Variants in ZIC5 observed in about 807,000 individuals in gnomAD.
ZIC5 encodes zinc finger protein ZIC 5.
ZIC5 carries 20 observed loss-of-function variants against 28.5 expected under a neutral mutation model. That is an observed-to-expected ratio of 0.70 (90% CI 0.49 to 1.02). The LOEUF (loss-of-function observed/expected upper bound fraction) is 1.02, where lower values mean the gene tolerates loss of function less well. Among genes scored for constraint, ZIC5 ranks in the 50% least tolerant of loss-of-function variants. ZIC5 has a pLI of 0.00. For synonymous variants in ZIC5, 488 were observed against 410.4 expected (o/e 1.19, Z -2.29); for missense variants, 951 against 899.7 (o/e 1.06, Z -0.73).
intron 1 of ZIC5, among the ~76,000 whole-genome samples, chr13:99,969,104 G>A (rs1049018995): frequency 6.6e-6 from 1 of 152,238 alleles, no homozygotes; most frequent in African/African-American, 2.4e-5. Context: ...CGCCCGACGC[G>A]CTGGTCCGCT....
rs1389338561 is a variant in ZIC5, at chr13:99,970,419, C to CGGT, written c.1184_1185insACC (p.Pro400dup). 1.5e-5 allele frequency: 12 copies of CGGT among 796,546 alleles called. No individual in the cohort carries two copies. Among genetic ancestry groups the CGGT allele is most frequent in the Non-Finnish European group, 1.6e-5 (11 of 667,876 alleles). The allele number at this position is 796,546 out of a possible 1,614,324, so 49.3% of individuals were successfully genotyped here. A position where few individuals can be genotyped will look rare whatever the true frequency, so the allele number is the denominator to read the frequency against. On this transcript the variant is annotated inframe_insertion, in exon 1 of 2. Transcript: ENST00000267294. ...CGCCGCCGGCCGGGGGCGGTGGCGG[C>CGGT]GGCGGCGGCGGCGGCGGCGGCGGCG...
rs769946088 is a variant in ZIC5 at position 99,971,088 on chromosome 13, GT to G, written c.515del (p.Asp172AlafsTer135). 13 of 1,437,542 alleles carry G rather than the reference GT, an allele frequency of 9.0e-6. No individual in the cohort carries two copies. The highest frequency in any genetic ancestry group is 1.2e-5 in the Non-Finnish European group (13 of 1,105,794). The allele number at this position is 1,437,542 out of a possible 1,614,324, so 89.0% of individuals were successfully genotyped here. A position where few individuals can be genotyped will look rare whatever the true frequency, so the allele number is the denominator to read the frequency against. On this transcript the variant is annotated frameshift_variant, in exon 1 of 2. Coordinates refer to ENST00000267294, the MANE Select transcript of ZIC5 (RefSeq NM_033132.5). LOFTEE classifies it high-confidence loss of function. ...GGSSGKGHSR[D>X]FVLRRDLSAT... ...CGGAAAGGTCCCTCCGGAGGACGAA[GT>G]CCCTGCTGTGGCCTTTGCCGCTGCT...
chr13:99,970,413 TGGCGGCGGCGGC>T lies in ZIC5; in HGVS notation c.1179_1190del (p.Pro397_Pro400del), dbSNP rs71114653. 4,680 of 1,106,504 alleles carry T rather than the reference TGGCGGCGGCGGC, an allele frequency of 4.2e-3. 174 individuals are homozygous for T. Among genetic ancestry groups the T allele is most frequent in the African/African-American group, 5.0e-3 (266 of 53,444 alleles). 68.5% of individuals were successfully genotyped at this position (1,106,504 alleles called of 1,614,324 possible). A position where few individuals can be genotyped will look rare whatever the true frequency, so the allele number is the denominator to read the frequency against. On this transcript the variant is annotated inframe_deletion, in exon 1 of 2. Transcript: ENST00000267294. ...GCTTGGCGCCGCCGGCCGGGGGCGG[TGGCGGCGGCGGC>T]GGCGGCGGCGGCGGCGGCGGCGGCA...
intron 1 of ZIC5, among the ~76,000 whole-genome samples, 188 bp downstream of exon 1, chr13:99,969,939 A>C (rs1418945203): frequency 2.0e-5 from 3 of 151,766 alleles, no homozygotes; most frequent in Non-Finnish European, 4.4e-5. Context: ...ACTTATTCAT[A>C]GAAAAAAAAA....
chr13:99,970,583 CCGG>C lies in ZIC5; in HGVS notation c.1018_1020del (p.Pro340del), dbSNP rs532287066. The C allele has an allele frequency of 7.5e-5, 74 of 991,618 alleles. No individual in the cohort carries two copies. Among genetic ancestry groups the C allele is most frequent in the Middle Eastern group, 5.1e-4 (1 of 1,974 alleles). 61.4% of individuals were successfully genotyped at this position (991,618 alleles called of 1,614,324 possible). ...TGCTGGTGCGGGTGCTGCGCGGGCG[CCGG>C]CGGCGGCGGCGGCGCCGGGGGCGGC... On this transcript the variant is annotated inframe_deletion, in exon 1 of 2. Coordinates refer to ENST00000267294, the MANE Select transcript of ZIC5 (RefSeq NM_033132.5).
At chr13:99,969,117 A>G (rs1046385536) in intron 1 of ZIC5, among the ~76,000 whole-genome samples, 1 of 152,196 alleles carries the variant, frequency 6.6e-6, no homozygotes, top group African/African-American at 2.4e-5. Flanking sequence ...GGTCCGCTCA[A>G]AGGGGGCACA....
rs2053069747 is a variant in ZIC5 at position 99,963,144 on chromosome 13, A to G, written c.*2233T>C. ...AAGAACCAATAAATCTGTGGCAAAG[A>G]GTTAACCTATGCATGGTAAAATACA... is the stretch of plus-strand genomic sequence containing the variant. On this transcript the variant is annotated 3_prime_UTR_variant, in exon 2 of 2. Transcript: ENST00000267294. 6.6e-6 allele frequency: 1 copy of G among 152,574 alleles called. No individual in the cohort carries two copies. The highest frequency in any genetic ancestry group is 6.5e-5 in the Admixed American group (1 of 15,282). The allele number at this position is 152,574 out of a possible 1,614,324, so 9.5% of individuals were successfully genotyped here.
Position 99,965,433 on chromosome 13 carries a change from C to G in ZIC5, c.1864G>C (p.Glu622Gln). ...HTPSSNGTTS[E>Q]TEDEEIYGNP... ...CCGTAAATTTCCTCATCTTCAGTCT[C>G]AGAGGTGGTTCCGTTGCTGGAAGGG... The change falls in exon 2 of 2, where the codon GAG becomes CAG. Residue 622 changes from glutamate (E) to glutamine (Q), a missense_variant. By Grantham distance (29) the Glu-to-Gln change is conservative. This residue lies in a region of ZIC5 where 108 missense variants were observed against 118.4 expected (regional missense o/e 0.91). Transcript: ENST00000267294. 6.2e-7 allele frequency: 1 copy of G among 1,614,150 alleles called. No homozygotes were observed. Among genetic ancestry groups the G allele is most frequent in the Non-Finnish European group, 8.5e-7 (1 of 1,180,034 alleles).
At chr13:99,969,816 G>C (rs2152155729) in intron 1 of ZIC5, among the ~76,000 whole-genome samples, 1 of 152,322 alleles carries the variant, frequency 6.6e-6, no homozygotes, top group East Asian at 1.9e-4. Flanking sequence ...CTGCTCCGAG[G>C]TGGCGGCGGC....
Position 99,971,012 on chromosome 13 carries a change from G to A in ZIC5, c.592C>T (p.Arg198Trp), listed in dbSNP as rs2152156909. ...MHGAPLGGEQ[R>W]SGTGSPQHPA... The stretch of plus-strand genomic sequence containing the variant: ...TGCTGGGGGGAGCCGGTGCCGGACC[G>A]CTGCTCCCCTCCGAGCGGGGCCCCG... The change falls in exon 1 of 2, where the codon CGG (arginine) becomes TGG (tryptophan). Residue 198 changes from arginine to tryptophan, a missense_variant. Coordinates refer to ENST00000267294, the MANE Select transcript of ZIC5 (RefSeq NM_033132.5). 7.1e-7 allele frequency: 1 copy of A among 1,413,564 alleles called. No homozygotes were observed. Among genetic ancestry groups the A allele is most frequent in the Non-Finnish European group, 9.1e-7 (1 of 1,096,856 alleles). The allele number at this position is 1,413,564 out of a possible 1,614,324, so 87.6% of individuals were successfully genotyped here.
Position 99,970,887 on chromosome 13 carries a change from C to T in ZIC5, c.717G>A (p.Leu239=), listed in dbSNP as rs535792876. ...GSGGPALFPA[L]HDTPGAPGGH... ...CGCCTGGGGCCCCCGGCGTGTCGTG[C>T]AGCGCGGGGAAGAGCGCCGGGCCGC... Residue 239 remains leucine, a synonymous_variant, in exon 1 of 2, where the codon CTG becomes CTA. Transcript: ENST00000267294. The T allele has an allele frequency of 3.1e-6, 4 of 1,310,798 alleles. No homozygotes were observed. The highest frequency in any genetic ancestry group is 3.1e-5 in the African/African-American group (2 of 63,940). 81.2% of individuals were successfully genotyped at this position (1,310,798 alleles called of 1,614,324 possible).
Position 99,971,615 on chromosome 13 carries a change from A to C in ZIC5, c.-12T>G, listed in dbSNP as rs762508133. 24 of 1,559,410 alleles carry C rather than the reference A, an allele frequency of 1.5e-5. No homozygotes were observed. In the African/African-American group the frequency reaches 2.9e-4, roughly 19 times the overall value. On this transcript the variant is annotated 5_prime_UTR_variant, in exon 1 of 2. It adds an upstream start codon to the 5' untranslated region. Coordinates refer to ENST00000267294, the MANE Select transcript of ZIC5 (RefSeq NM_033132.5). ...AAAGGGGGCTCCATCAGAACTACAC[A>C]ATCAGGCCCATAGACCCTCACTGGG...
intron 1 of ZIC5, among the ~76,000 whole-genome samples, chr13:99,968,101 T>C (rs1054686009): frequency 6.6e-6 from 1 of 152,146 alleles, no homozygotes; most frequent in African/African-American, 2.4e-5. Context: ...CCTTCGGAAG[T>C]GGCCCGGGGA....
In ZIC5 at chr13:99,971,629, A is replaced by T; in HGVS notation, c.-26T>A. 1 of 1,560,530 alleles carries T rather than the reference A, an allele frequency of 6.4e-7. No individual in the cohort carries two copies. Among genetic ancestry groups the T allele is most frequent in the Non-Finnish European group, 8.7e-7 (1 of 1,150,994 alleles). ...CAGAACTACACAATCAGGCCCATAGACCCTCACTGGGGGGACTTTATTCCC... is the reference window on the plus strand; with the variant it reads ...CAGAACTACACAATCAGGCCCATAGTCCCTCACTGGGGGGACTTTATTCCC... On this transcript the variant is annotated 5_prime_UTR_variant, in exon 1 of 2. Transcript: ENST00000267294.
At chr13:99,969,380 G>A in intron 1 of ZIC5, among the ~76,000 whole-genome samples, 1 of 152,166 alleles carries the variant, frequency 6.6e-6, no homozygotes, top group East Asian at 1.9e-4. Flanking sequence ...GTGAGAGGGC[G>A]CGTGGGGCGT....
At chr13:99,968,392 C>T (rs1407284153) in intron 1 of ZIC5, among the ~76,000 whole-genome samples, 1 of 152,166 alleles carries the variant, frequency 6.6e-6, no homozygotes, top group Non-Finnish European at 1.5e-5. Context: ...GAGCCAAAAA[C>T]CCAAATGACC....
Position 99,971,463 on chromosome 13 carries a change from G to A in ZIC5, c.141C>T (p.Ala47=). 2 of 1,547,800 alleles carry A rather than the reference G, an allele frequency of 1.3e-6. No homozygotes were observed. The highest frequency in any genetic ancestry group is 8.7e-7 in the Non-Finnish European group (1 of 1,145,906). The change falls in exon 1 of 2, where the codon GCC becomes GCT. Residue 47 remains alanine (A), a synonymous_variant. Coordinates refer to ENST00000267294, the MANE Select transcript of ZIC5 (RefSeq NM_033132.5). ...GPPAHSQLRA[A]VAHLRLRDLG... is the part of the protein sequence containing the mutation. ...GGTCCCGCAGGCGGAGGTGCGCGAC[G>A]GCGGCCCGGAGTTGGGAGTGGGCGG...
In ZIC5 at chr13:99,970,759, G is replaced by T. The variant is rs2152156715; in HGVS notation, c.845C>A (p.Pro282Gln). The change falls in exon 1 of 2, where the codon CCG (proline) becomes CAG (glutamine). Residue 282 changes from proline to glutamine, a missense_variant. Pro to Gln is a moderately conservative substitution (Grantham distance 76). This residue lies in a region of ZIC5 where 784 missense variants were observed against 660.1 expected (regional missense o/e 1.19). Transcript: ENST00000267294. ...CCCGTAGTGCGCGTCCCCAGAGCGC[G>T]GCGCGAAGGGCGGTTCGGCGCGGCC... ...LYGRAEPPFA[P>Q]RSGDAHYGAV... is the part of the protein sequence containing the mutation. The T allele has an allele frequency of 1.7e-6, 2 of 1,176,488 alleles. No homozygotes were observed. Among genetic ancestry groups the T allele is most frequent in the East Asian group, 4.4e-5 (1 of 22,984 alleles). The allele number at this position is 1,176,488 out of a possible 1,614,324, so 72.9% of individuals were successfully genotyped here.
rs773434060 is a variant in ZIC5 at position 99,964,687 on chromosome 13, A to G, written c.*690T>C. 9.8e-5 allele frequency: 15 copies of G among 152,628 alleles called. No individual in the cohort carries two copies. Among genetic ancestry groups the G allele is most frequent in the Non-Finnish European group, 1.6e-4 (11 of 68,042 alleles). The allele number at this position is 152,628 out of a possible 1,614,324, so 9.5% of individuals were successfully genotyped here. On this transcript the variant is annotated 3_prime_UTR_variant, in exon 2 of 2. Coordinates refer to ENST00000267294, the MANE Select transcript of ZIC5 (RefSeq NM_033132.5). ...AATCACACAGTAGGATACTGAAGAA[A>G]TAATCCTGTATAAAAATATTGTATT...
Sources: gnomAD v4.1 joint callset for allele counts (sites outside exome capture counted in the v4.1 genomes callset) on GRCh38, gnomAD v4.1.1 for gene constraint, gnomAD v4.1.1 regional missense constraint, MANE v1.5 for transcripts, NCBI Gene and HGNC (gene_info 2026-07-23, HGNC 2026-07-21) for gene names.